Variants in RIT2 observed in about 807,000 individuals in gnomAD.
RIT2 encodes Ras like without CAAX 2.
Under a neutral mutation model 23.7 loss-of-function variants are expected in RIT2, and 24 were observed. The ratio of observed to expected loss-of-function variants is 1.01; its 90% CI spans 0.73 to 1.43. The LOEUF is 1.43. Among genes scored for constraint, RIT2 ranks in the 40% most tolerant of loss-of-function variants. The probability of loss-of-function intolerance (pLI) is 0.00; values close to 1 mark genes in which losing one functional copy is unlikely to be tolerated. For synonymous variants in RIT2, 107 were observed against 91.1 expected (o/e 1.17, Z -0.99); for missense variants, 236 against 266.9 (o/e 0.88, Z 0.81).
intron 1 of RIT2, among the ~76,000 whole-genome samples, chr18:43,088,867 A>G (rs1913350565): frequency 2.6e-5 from 4 of 152,122 alleles, no homozygotes; most frequent in Admixed American, 2.6e-4. Flanking sequence ...CAATCTAAGG[A>G]GAGGTATGTA....
rs193041743 is a variant in RIT2, at chr18:42,809,563, G to A, written c.427-65843C>T. Among the ~76,000 whole-genome samples, 19 of 151,972 alleles carry A rather than the reference G, an allele frequency of 1.3e-4. No individual in the cohort carries two copies. In the East Asian group the frequency reaches 2.1e-3, roughly 17 times the overall value. On this transcript the variant is annotated intron_variant, in intron 4 of 4. Coordinates refer to ENST00000326695, the MANE Select transcript of RIT2 (RefSeq NM_002930.4). ...CTCACCTGTATGAGGCTACTTTGTA[G>A]AACTGATTTCTACCAGCCTTGAATA... is the stretch of plus-strand genomic sequence containing the variant.
intron 4 of RIT2, among the ~76,000 whole-genome samples, chr18:42,837,331 A>G (rs543826144): frequency 6.6e-6 from 1 of 151,338 alleles, no homozygotes; most frequent in East Asian, 1.9e-4. Context: ...CCAAGCCTGG[A>G]TAACTTTTGG....
chr18:43,101,056 T>C (rs1365782338), intron 1 of RIT2, among the ~76,000 whole-genome samples: 1 of 135,770 alleles, frequency 7.4e-6, no homozygotes, highest in Non-Finnish European at 1.6e-5. Flanking sequence ...TATGTGTGTG[T>C]ATATATATAT....
At position 42,856,825 on chromosome 18, in the gene RIT2, C is replaced by CTTTTTTTTTTTTTT. The variant is rs760595125; in HGVS notation, c.426+66746_426+66747insAAAAAAAAAAAAAA. 1.3e-4 allele frequency among the ~76,000 whole-genome samples: 16 copies of CTTTTTTTTTTTTTT among 127,996 alleles called. 1 individual carries two copies. Among genetic ancestry groups the CTTTTTTTTTTTTTT allele is most frequent in the African/African-American group, 4.9e-4 (15 of 30,836 alleles). The allele number at this position is 127,996 out of a possible 152,430, so 84.0% of individuals were successfully genotyped here. A position where few individuals can be genotyped will look rare whatever the true frequency, so the allele number is the denominator to read the frequency against. ...AGAAGTCTTTTTCTTTTCTCTCTCT[C>CTTTTTTTTTTTTTT]TCTTTTTTTTTTTTTTTTTTTTGAG... On this transcript the variant is annotated intron_variant, in intron 4 of 4. Coordinates refer to ENST00000326695, the MANE Select transcript of RIT2 (RefSeq NM_002930.4).
At chr18:42,923,522 T>C (rs982877216) in intron 4 of RIT2, 50 bp downstream of exon 4, 3 of 1,485,600 alleles carry the variant, frequency 2.0e-6, no homozygotes, top group South Asian at 1.2e-5. Flanking sequence ...TTTTGTACTA[T>C]GCATCCTCAG....
At chr18:43,081,716 C>T (rs905183854) in intron 1 of RIT2, among the ~76,000 whole-genome samples, 1 of 152,070 alleles carries the variant, frequency 6.6e-6, no homozygotes, top group Non-Finnish European at 1.5e-5. Flanking sequence ...GTTTGTTCTG[C>T]CCTCATTTAT....
chr18:43,114,231 T>C lies in RIT2; in HGVS notation c.103+1186A>G, dbSNP rs560745439. Among the ~76,000 whole-genome samples the C allele has an allele frequency of 6.6e-5, 10 of 152,260 alleles. No individual in the cohort carries two copies. In the South Asian group the frequency reaches 1.0e-3, roughly 16 times the overall value. On this transcript the variant is annotated intron_variant, in intron 1 of 4. Transcript: ENST00000326695. ...CTGACCACATCCAGATGTACCTATT[T>C]CTTTTATTTTTTATGAGAATTCTCT...
intron 4 of RIT2, among the ~76,000 whole-genome samples, chr18:42,904,343 C>T (rs571621978): frequency 1.3e-5 from 2 of 152,098 alleles, no homozygotes; most frequent in Non-Finnish European, 2.9e-5. Context: ...TGAGTCAGGA[C>T]AGATGCCGGC....
intron 4 of RIT2, among the ~76,000 whole-genome samples, chr18:42,761,894 C>G (rs1369655894): frequency 6.6e-6 from 1 of 152,150 alleles, no homozygotes; most frequent in Non-Finnish European, 1.5e-5. Context: ...ACACCTAATT[C>G]AGCAAAAGTA....
chr18:42,990,114 A>C (rs1910806737), intron 2 of RIT2, among the ~76,000 whole-genome samples: 1 of 152,018 alleles, frequency 6.6e-6, no homozygotes, highest in Admixed American at 6.6e-5. Flanking sequence ...CTGGAGAGCC[A>C]GGAAAGCCAT....
At chr18:42,851,544 C>T (rs1471374548) in intron 4 of RIT2, among the ~76,000 whole-genome samples, 2 of 151,886 alleles carry the variant, frequency 1.3e-5, no homozygotes, top group African/African-American at 2.4e-5. Context: ...TTTTTTTAAC[C>T]CTTGAACTCT....
chr18:42,931,980 A>G (rs1909337363), intron 3 of RIT2, among the ~76,000 whole-genome samples: 1 of 152,174 alleles, frequency 6.6e-6, no homozygotes, highest in Non-Finnish European at 1.5e-5. Context: ...ACCATCCACA[A>G]TTAAATTCAT....
chr18:42,949,910 A>G (rs1909810633), intron 3 of RIT2, among the ~76,000 whole-genome samples: 1 of 152,142 alleles, frequency 6.6e-6, no homozygotes, highest in African/African-American at 2.4e-5. Flanking sequence ...AGAAAGAAAG[A>G]ATAAATATCT....
intron 4 of RIT2, among the ~76,000 whole-genome samples, chr18:42,766,729 C>T (rs974179360): frequency 6.6e-6 from 1 of 152,238 alleles, no homozygotes; most frequent in Non-Finnish European, 1.5e-5. Flanking sequence ...CCTCCTATCA[C>T]TGGCCTGGAG....
At chr18:43,073,987 C>T (rs1316205521) in intron 1 of RIT2, among the ~76,000 whole-genome samples, 3 of 152,090 alleles carry the variant, frequency 2.0e-5, no homozygotes, top group Admixed American at 2.0e-4. Context: ...AGGTGGATTC[C>T]TCCCACCTGT....
At chr18:42,958,530 G>A (rs1264729610) in intron 3 of RIT2, among the ~76,000 whole-genome samples, 4 of 151,956 alleles carry the variant, frequency 2.6e-5, no homozygotes, top group Non-Finnish European at 5.9e-5. Flanking sequence ...GAAATTCCAG[G>A]GACAATGTTT....
intron 4 of RIT2, among the ~76,000 whole-genome samples, chr18:42,821,655 A>G (rs1906153117): frequency 6.6e-6 from 1 of 152,136 alleles, no homozygotes; most frequent in South Asian, 2.1e-4. Context: ...ACTCAGCTTA[A>G]AATGTCAATT....
At chr18:43,043,963 A>T (rs1049612847) in intron 1 of RIT2, among the ~76,000 whole-genome samples, 4 of 152,130 alleles carry the variant, frequency 2.6e-5, no homozygotes, top group Non-Finnish European at 5.9e-5. Context: ...ATAGCACAGG[A>T]TCTTTCCCAA....
At position 42,923,582 on chromosome 18, in the gene RIT2, T is replaced by A. The variant is rs1274638935; in HGVS notation, c.416A>T (p.Gln139Leu). The A allele has an allele frequency of 1.9e-6, 3 of 1,613,010 alleles. No individual in the cohort carries two copies. Among genetic ancestry groups the A allele is most frequent in the Non-Finnish European group, 2.5e-6 (3 of 1,179,378 alleles). Residue 139 changes from glutamine to leucine, a missense_variant, in exon 4 of 5, where the codon CAG (glutamine) becomes CTG (leucine). Coordinates refer to ENST00000326695, the MANE Select transcript of RIT2 (RefSeq NM_002930.4). Reference sequence around the variant, plus strand: ...AAAATCGGCACTCACCTGGCGGAACTGTTCCAGATCAATTTTGTTACCCAC... The same window carrying A: ...AAAATCGGCACTCACCTGGCGGAACAGTTCCAGATCAATTTTGTTACCCAC... Reference protein sequence around the residue: ...VLVGNKIDLEQFRQVSTEEGL... With the variant: ...VLVGNKIDLELFRQVSTEEGL...
Sources: allele counts gnomAD v4.1 joint callset (sites outside exome capture counted in the v4.1 genomes callset), GRCh38; gene constraint gnomAD v4.1.1; transcripts MANE v1.5; gene names NCBI Gene and HGNC (gene_info 2026-07-23, HGNC 2026-07-21).